The following ST6GAL2 variants were observed in gnomAD, a reference collection of about 807,000 sequenced individuals.
The protein encoded by ST6GAL2 is ST6 beta-galactoside alpha-2,6-sialyltransferase 2, also known as beta-galactoside alpha-2,6-sialyltransferase 2.
Under a neutral mutation model 37.5 loss-of-function variants are expected in ST6GAL2, and 24 were observed. The ratio of observed to expected loss-of-function variants is 0.64; its 90% CI spans 0.46 to 0.90. The LOEUF is 0.90. ST6GAL2 is among the 40% of genes least tolerant of loss of function. The probability of loss-of-function intolerance (pLI) is 0.00; values close to 1 mark genes in which losing one functional copy is unlikely to be tolerated. For synonymous variants in ST6GAL2, 306 were observed against 295.1 expected (o/e 1.04, Z -0.38); for missense variants, 715 against 712.7 (o/e 1.00, Z -0.04).
chr2:106,816,264 T>C (rs951538124), intron 5 of ST6GAL2, among the ~76,000 whole-genome samples: 3 of 152,184 alleles, frequency 2.0e-5, no homozygotes, highest in African/African-American at 7.2e-5. Context: ...CATACTTATG[T>C]GAGGATAAAT....
At chr2:106,878,457 C>T (rs1019653449) in intron 1 of ST6GAL2, among the ~76,000 whole-genome samples, 13 of 152,040 alleles carry the variant, frequency 8.6e-5, no homozygotes, top group African/African-American at 2.2e-4. Flanking sequence ...GAGTGAGACC[C>T]TGATTGTAAA....
chr2:106,810,822 C>T (rs1295346961), intron 5 of ST6GAL2, among the ~76,000 whole-genome samples: 3 of 152,028 alleles, frequency 2.0e-5, no homozygotes, highest in Non-Finnish European at 4.4e-5. Flanking sequence ...CATGGTGGCT[C>T]GTGCCTGTGG....
intron 1 of ST6GAL2, among the ~76,000 whole-genome samples, chr2:106,869,900 C>T (rs1678192493): frequency 6.6e-6 from 1 of 152,200 alleles, no homozygotes; most frequent in Admixed American, 6.5e-5. Context: ...CCACAAGGCA[C>T]CTGACCTTTG....
At position 106,843,343 on chromosome 2, in the gene ST6GAL2, A is replaced by C; in HGVS notation, c.635T>G (p.Val212Gly). The change falls in exon 2 of 6, where the codon GTC becomes GGC. Residue 212 changes from valine to glycine, a missense_variant. Around this residue, in one of 3 missense-constraint regions of ST6GAL2, gnomAD observed 512 missense variants for 488.8 expected, o/e 1.05. Coordinates refer to ENST00000409382, the MANE Select transcript of ST6GAL2 (RefSeq NM_001142351.2). ...GCGCGGGTTCAGCATTTTGGAAGAG[A>C]CGTTCCCCTTCCAGAGCCGGTACAG... The part of the protein sequence containing the change: ...AFLYRLWKGN[V>G]SSKMLNPRLQ... 11 of 1,614,020 alleles carry C rather than the reference A, an allele frequency of 6.8e-6. No individual in the cohort carries two copies. Among genetic ancestry groups the C allele is most frequent in the Non-Finnish European group, 9.3e-6 (11 of 1,179,986 alleles).
chr2:106,869,325 AT>A (rs1247313084), intron 1 of ST6GAL2, among the ~76,000 whole-genome samples: 1 of 152,212 alleles, frequency 6.6e-6, no homozygotes, highest in African/African-American at 2.4e-5. Flanking sequence ...GTCTTCTTCC[AT>A]TGAGATATTT....
chr2:106,876,751 A>G (rs1196828744), intron 1 of ST6GAL2, among the ~76,000 whole-genome samples: 1 of 152,188 alleles, frequency 6.6e-6, no homozygotes, highest in South Asian at 2.1e-4. Flanking sequence ...AAAAGATTTA[A>G]TAATTAATTT....
chr2:106,868,897 T>C (rs1467218672), intron 1 of ST6GAL2, among the ~76,000 whole-genome samples: 5 of 152,160 alleles, frequency 3.3e-5, no homozygotes, highest in Admixed American at 3.3e-4. Context: ...AAATGCATCA[T>C]TGAGGGAGTG....
At chr2:106,828,624 A>G (rs1178898937) in intron 5 of ST6GAL2, among the ~76,000 whole-genome samples, 2 of 152,206 alleles carry the variant, frequency 1.3e-5, no homozygotes, top group Non-Finnish European at 2.9e-5. Context: ...GTGTGTCCTG[A>G]ATTCATAACC....
chr2:106,828,206 C>T (rs1000670422), intron 5 of ST6GAL2, among the ~76,000 whole-genome samples: 8 of 152,154 alleles, frequency 5.3e-5, no homozygotes, highest in African/African-American at 1.9e-4. Flanking sequence ...GCCCCTCTAA[C>T]TGTGCTTTAA....
intron 1 of ST6GAL2, among the ~76,000 whole-genome samples, chr2:106,857,053 G>T (rs1393541047): frequency 6.6e-6 from 1 of 152,208 alleles, no homozygotes; most frequent in African/African-American, 2.4e-5. Flanking sequence ...TTCTGGGCAT[G>T]TGCAGATGGA....
At chr2:106,876,957 C>T (rs73952404) in intron 1 of ST6GAL2, among the ~76,000 whole-genome samples, 352 of 151,780 alleles carry the variant, frequency 2.3e-3, no homozygotes, top group African/African-American at 8.1e-3. Flanking sequence ...GGAAGAGAAA[C>T]GTTCAGGACT....
chr2:106,843,526 G>A lies in ST6GAL2; in HGVS notation c.452C>T (p.Pro151Leu), dbSNP rs1402428532. Residue 151 changes from proline (P) to leucine (L), a missense_variant, in exon 2 of 6, where the codon CCT becomes CTT. By Grantham distance (98) the Pro-to-Leu change is moderately conservative. Around this residue, in one of 3 missense-constraint regions of ST6GAL2, gnomAD observed 512 missense variants for 488.8 expected, o/e 1.05. Transcript: ENST00000409382. ...HSHTQGTLGF[P>L]SPGEPGPREG... Reference sequence around the variant, plus strand: ...CCGTGGGCCTGGCTCCCCGGGGGAAGGGAATCCCAATGTCCCCTGAGTGTG... The same window carrying A: ...CCGTGGGCCTGGCTCCCCGGGGGAAAGGAATCCCAATGTCCCCTGAGTGTG... 1 of 1,614,048 alleles carries A rather than the reference G, an allele frequency of 6.2e-7. No homozygotes were observed.
chr2:106,884,056 G>T (rs894672862), intron 1 of ST6GAL2, among the ~76,000 whole-genome samples: 3 of 151,544 alleles, frequency 2.0e-5, no homozygotes, highest in Non-Finnish European at 4.4e-5. Context: ...ATTTCAGTCA[G>T]TATCAGTATA....
intron 2 of ST6GAL2, among the ~76,000 whole-genome samples, chr2:106,836,568 A>G (rs973994691): frequency 6.6e-6 from 1 of 151,894 alleles, no homozygotes; most frequent in Non-Finnish European, 1.5e-5. Flanking sequence ...ATAGTTATAC[A>G]TAAGTTATAT....
At position 106,803,702 on chromosome 2, in the gene ST6GAL2, A is replaced by C. The variant is rs1675330738; in HGVS notation, c.*2976T>G. 2 of 152,216 alleles carry C rather than the reference A, an allele frequency of 1.3e-5. No individual in the cohort carries two copies. Among genetic ancestry groups the C allele is most frequent in the Admixed American group, 6.5e-5 (1 of 15,282 alleles). 9.4% of individuals were successfully genotyped at this position (152,216 alleles called of 1,614,324 possible). ...TACAAAAGAACGTCTGTTGGTCCTG[A>C]GAGTGAAAAAAGGAATCCTTAACAG... is the stretch of plus-strand genomic sequence containing the variant. On this transcript the variant is annotated 3_prime_UTR_variant, in exon 6 of 6. Coordinates refer to ENST00000409382, the MANE Select transcript of ST6GAL2 (RefSeq NM_001142351.2).
chr2:106,816,333 C>G (rs1035538837), intron 5 of ST6GAL2, among the ~76,000 whole-genome samples: 1 of 152,134 alleles, frequency 6.6e-6, no homozygotes, highest in Non-Finnish European at 1.5e-5. Context: ...TGTTAAAAAG[C>G]TAGTCAGGTT....
intron 1 of ST6GAL2, among the ~76,000 whole-genome samples, chr2:106,854,538 T>C (rs1677495746): frequency 1.3e-5 from 2 of 152,212 alleles, no homozygotes; most frequent in Admixed American, 1.3e-4. Flanking sequence ...TAATTTAATA[T>C]CTATTACATA....
At position 106,802,361 on chromosome 2, in the gene ST6GAL2, A is replaced by C. The variant is rs923635866; in HGVS notation, c.*4317T>G. 1.3e-5 allele frequency: 2 copies of C among 151,976 alleles called. No individual in the cohort carries two copies. Among genetic ancestry groups the C allele is most frequent in the Non-Finnish European group, 2.9e-5 (2 of 67,984 alleles). The allele number at this position is 151,976 out of a possible 1,614,324, so 9.4% of individuals were successfully genotyped here. ...CAATTATATAACTATATCTACATGT[A>C]CACTTTTCATACTAAGAACTAGATC... On this transcript the variant is annotated 3_prime_UTR_variant, in exon 6 of 6. Coordinates refer to ENST00000409382, the MANE Select transcript of ST6GAL2 (RefSeq NM_001142351.2).
chr2:106,853,447 G>A (rs1231750554), intron 1 of ST6GAL2, among the ~76,000 whole-genome samples: 1 of 152,220 alleles, frequency 6.6e-6, no homozygotes, highest in Non-Finnish European at 1.5e-5. Context: ...TCCCAGGACT[G>A]CTGAATAAAT....
Sources: allele counts gnomAD v4.1 joint callset (sites outside exome capture counted in the v4.1 genomes callset), GRCh38; gene constraint gnomAD v4.1.1; regional missense constraint gnomAD v4.1.1; transcripts MANE v1.5; gene names NCBI Gene and HGNC (gene_info 2026-07-23, HGNC 2026-07-21).